NRXN1: variants seen among roughly 807,000 people sequenced by gnomAD.
NRXN1 encodes neurexin-1.
Under a neutral mutation model 150.9 loss-of-function variants are expected in NRXN1, and 39 were observed. That is an observed-to-expected ratio of 0.26 (90% CI 0.20 to 0.34). NRXN1 has a LOEUF of 0.34. Among genes scored for constraint, NRXN1 ranks in the 10% least tolerant of loss-of-function variants. The pLI is 1.00. For missense variants in NRXN1, 1,815 were observed against 1,949.9 expected (o/e 0.93, Z 1.30); for synonymous variants, 924 against 757.0 (o/e 1.22, Z -3.62).
intron 17 of NRXN1, among the ~76,000 whole-genome samples, chr2:50,260,853 C>T (rs1043136950): frequency 1.3e-5 from 2 of 151,616 alleles, no homozygotes; most frequent in African/African-American, 4.8e-5. Context: ...CACTCAAAAT[C>T]CTCAGGAGAT....
At chr2:50,921,958 G>C in intron 4 of NRXN1, 78 bp from the exon 5 acceptor site, 3 of 790,172 alleles carry the variant, frequency 3.8e-6, no homozygotes, top group Non-Finnish European at 5.7e-6. Context: ...ACAACAATAA[G>C]TATTATGAAC....
At position 50,552,490 on chromosome 2, in the gene NRXN1, G is replaced by A. The variant is rs1034209548; in HGVS notation, c.1759+97C>T. ...CTTTTAGGCTAAAGAAACAAATGCA[G>A]GAAGTCTTTAATATGTCTTGGTTTT... On this transcript the variant is annotated intron_variant, in intron 9 of 22. Coordinates refer to ENST00000401669, the MANE Select transcript of NRXN1 (RefSeq NM_001330078.2). The A allele has an allele frequency of 1.7e-5, 15 of 858,028 alleles. No homozygotes were observed. The African/African-American group carries it at 2.4e-4, about 14-fold the overall frequency. The allele number at this position is 858,028 out of a possible 1,614,324, so 53.2% of individuals were successfully genotyped here. A position where few individuals can be genotyped will look rare whatever the true frequency, so the allele number is the denominator to read the frequency against.
At chr2:50,352,332 T>G (rs78173854) in intron 17 of NRXN1, among the ~76,000 whole-genome samples, 1,653 of 152,164 alleles carry the variant, frequency 0.011, 7 homozygotes, top group Non-Finnish European at 0.018. Context: ...CCTTTTTGTC[T>G]CAAAAAACAG....
intron 18 of NRXN1, among the ~76,000 whole-genome samples, chr2:50,128,337 G>A (rs147316958): frequency 6.6e-6 from 1 of 152,174 alleles, no homozygotes; most frequent in Non-Finnish European, 1.5e-5. Context: ...TGAGTCCATA[G>A]TATTATATGC....
intron 21 of NRXN1, among the ~76,000 whole-genome samples, chr2:49,952,744 T>G (rs990627429): frequency 2.0e-5 from 3 of 152,118 alleles, no homozygotes; most frequent in African/African-American, 7.2e-5. Context: ...ATTAAGCCAC[T>G]GATTAAAATC....
chr2:50,594,188 T>A (rs1208485966), intron 8 of NRXN1, among the ~76,000 whole-genome samples: 1 of 152,208 alleles, frequency 6.6e-6, no homozygotes, highest in Admixed American at 6.5e-5. Context: ...TAGAGCAGTG[T>A]AAGAACAGAC....
chr2:50,656,450 A>C (rs1686477896), intron 5 of NRXN1: 1 of 757,586 alleles, frequency 1.3e-6, no homozygotes, highest in African/African-American at 1.7e-5. Context: ...TCAAGTTTCT[A>C]GATTCTTTTC....
chr2:50,823,613 A>G (rs1670036185), intron 5 of NRXN1, among the ~76,000 whole-genome samples: 1 of 152,132 alleles, frequency 6.6e-6, no homozygotes, highest in African/African-American at 2.4e-5. Context: ...ATTTTACCTT[A>G]AGTACAAAGT....
intron 5 of NRXN1, among the ~76,000 whole-genome samples, chr2:50,658,912 C>T (rs938179555): frequency 2.0e-5 from 3 of 151,994 alleles, no homozygotes; most frequent in African/African-American, 7.2e-5. Context: ...CAGTACAGCA[C>T]TGAAAACAGT....
At chr2:50,330,475 C>G (rs1408296710) in intron 17 of NRXN1, among the ~76,000 whole-genome samples, 2 of 152,038 alleles carry the variant, frequency 1.3e-5, no homozygotes, top group Non-Finnish European at 2.9e-5. Flanking sequence ...TTGCTTTAAC[C>G]TCCCATCCCC....
At chr2:50,246,381 G>T (rs903821085) in intron 17 of NRXN1, among the ~76,000 whole-genome samples, 3 of 151,914 alleles carry the variant, frequency 2.0e-5, no homozygotes, top group Non-Finnish European at 4.4e-5. Flanking sequence ...TATTTATTTT[G>T]AATTATTTGC....
At chr2:50,093,293 G>A (rs1258165005) in intron 18 of NRXN1, among the ~76,000 whole-genome samples, 1 of 151,900 alleles carries the variant, frequency 6.6e-6, no homozygotes. Flanking sequence ...AAGTCCAGGG[G>A]AAAATATATA....
chr2:49,985,819 A>C (rs1034356861), intron 21 of NRXN1, among the ~76,000 whole-genome samples: 1 of 152,150 alleles, frequency 6.6e-6, no homozygotes, highest in Non-Finnish European at 1.5e-5. Context: ...CTTGATATTT[A>C]CAACAAAAAA....
At chr2:50,648,199 T>G (rs1685101636) in intron 5 of NRXN1, among the ~76,000 whole-genome samples, 1 of 151,880 alleles carries the variant, frequency 6.6e-6, no homozygotes, top group South Asian at 2.1e-4. Flanking sequence ...AACAACGACA[T>G]AAGGCAAAAC....
intron 5 of NRXN1, among the ~76,000 whole-genome samples, chr2:50,680,343 C>G (rs986724782): frequency 6.6e-6 from 1 of 151,920 alleles, no homozygotes; most frequent in African/African-American, 2.4e-5. Flanking sequence ...TCTCAAGCAT[C>G]CTACAGAGAC....
rs1404289641 is a variant in NRXN1, at chr2:50,472,412, G to T, written c.3130C>A (p.His1044Asn). 1 of 1,612,142 alleles carries T rather than the reference G, an allele frequency of 6.2e-7. No homozygotes were observed. Among genetic ancestry groups the T allele is most frequent in the Non-Finnish European group, 8.5e-7 (1 of 1,178,864 alleles). ...CAGCCTTGAAAGCCTTCTTTGGCAT[G>T]TACAAGTTTTGGTAAGGATTTGTAT... ...ETYKSLPKLV[H>N]AKEGFQGCLA... Residue 1044 changes from histidine to asparagine, a missense_variant, in exon 16 of 23, where the codon CAT (histidine) becomes AAT (asparagine). His to Asn is a moderately conservative substitution (Grantham distance 68). Around this residue, in one of 6 missense-constraint regions of NRXN1, gnomAD observed 339 missense variants for 440.3 expected, o/e 0.77. Transcript: ENST00000401669.
Position 50,594,328 on chromosome 2 carries a change from A to AGT in NRXN1, c.1320+25692_1320+25693dup, listed in dbSNP as rs751640898. On this transcript the variant is annotated intron_variant, in intron 8 of 22. Transcript: ENST00000401669. ...TTCATATTTGGTAGTGAGGTATATC[A>AGT]GTCATATGGTCATATTTATGTAAAC... Among the ~76,000 whole-genome samples, 25 of 152,328 alleles carry AGT rather than the reference A, an allele frequency of 1.6e-4. No homozygotes were observed. The South Asian group carries it at 2.5e-3, about 15-fold the overall frequency.
At chr2:50,231,693 T>A (rs2064957599) in intron 18 of NRXN1, among the ~76,000 whole-genome samples, 1 of 152,104 alleles carries the variant, frequency 6.6e-6, no homozygotes, top group South Asian at 2.1e-4. Context: ...TTTCCTCTGG[T>A]CAGAACCAAT....
At chr2:50,428,732 G>A (rs2084704752) in intron 17 of NRXN1, among the ~76,000 whole-genome samples, 1 of 152,112 alleles carries the variant, frequency 6.6e-6, no homozygotes, top group Admixed American at 6.6e-5. Context: ...AACAGATAAC[G>A]ATAGACCTTG....
Sources: allele counts gnomAD v4.1 joint callset (sites outside exome capture counted in the v4.1 genomes callset), GRCh38; gene constraint gnomAD v4.1.1; regional missense constraint gnomAD v4.1.1; transcripts MANE v1.5; gene names NCBI Gene and HGNC (gene_info 2026-07-23, HGNC 2026-07-21).